Variants in ATG14 observed in about 807,000 individuals in gnomAD.
ATG14 encodes the protein autophagy related 14.
ATG14 carries 35 observed loss-of-function variants against 60.4 expected under a neutral mutation model. The ratio of observed to expected loss-of-function variants is 0.58; its 90% CI spans 0.44 to 0.77. The LOEUF (loss-of-function observed/expected upper bound fraction) is 0.77, where lower values mean the gene tolerates loss of function less well. Among genes scored for constraint, ATG14 ranks in the 30% least tolerant of loss-of-function variants. The pLI is 0.00. For missense variants in ATG14, 647 were observed against 626.3 expected, an observed-to-expected ratio of 1.03 and a Z score of -0.35; for synonymous variants, 234 against 228.8, an observed-to-expected ratio of 1.02 and a Z score of -0.21.
intron 1 of ATG14, among the ~76,000 whole-genome samples, chr14:55,410,516 AAG>A (rs1885554695): frequency 6.6e-6 from 1 of 152,240 alleles, no homozygotes; most frequent in Non-Finnish European, 1.5e-5. Flanking sequence ...AAAACTAAAA[AAG>A]AGTTTGTCAT....
intron 9 of ATG14, among the ~76,000 whole-genome samples, chr14:55,375,639 T>C (rs973436706): frequency 6.6e-6 from 1 of 152,080 alleles, no homozygotes; most frequent in African/African-American, 2.4e-5. Context: ...CCACCATGCC[T>C]GGTTTGAACT....
At chr14:55,404,556 A>G (rs1037837503) in intron 1 of ATG14, among the ~76,000 whole-genome samples, 2 of 152,182 alleles carry the variant, frequency 1.3e-5, no homozygotes, top group African/African-American at 4.8e-5. Flanking sequence ...TTCAAAAGAG[A>G]CGAGATTATG....
At chr14:55,378,126 T>C (rs1884956136) in intron 7 of ATG14, 52 bp from the exon 8 acceptor site, 3 of 1,502,662 alleles carry the variant, frequency 2.0e-6, no homozygotes, top group East Asian at 2.3e-5. Flanking sequence ...GGAAATTCTA[T>C]GTTAAAATTT....
intron 1 of ATG14, among the ~76,000 whole-genome samples, chr14:55,400,169 C>T (rs986554506): frequency 4.6e-5 from 7 of 152,164 alleles, no homozygotes; most frequent in African/African-American, 1.7e-4. Context: ...AGTCACTCAT[C>T]CAGGCTCTGC....
At chr14:55,410,276 T>C (rs564722058) in intron 1 of ATG14, among the ~76,000 whole-genome samples, 1 of 152,336 alleles carries the variant, frequency 6.6e-6, no homozygotes, top group East Asian at 1.9e-4. Context: ...AGGTTGGAGA[T>C]ACAAGTCTGG....
rs777461378 is a variant in ATG14 at position 55,411,794 on chromosome 14, C to G, written c.29G>C (p.Arg10Pro). 2.5e-6 allele frequency: 4 copies of G among 1,600,114 alleles called. No homozygotes were observed. The highest frequency in any genetic ancestry group is 3.4e-6 in the Non-Finnish European group (4 of 1,174,024). Residue 10 changes from arginine (R) to proline (P), a missense_variant, in exon 1 of 10, where the codon CGG (arginine) becomes CCG (proline). Coordinates refer to ENST00000247178, the MANE Select transcript of ATG14 (RefSeq NM_014924.5). The stretch of plus-strand genomic sequence containing the variant: ...CCCGCAGCCAGGAGCCTCCAGCGCC[C>G]GGGCTCCCTTCCCACTGGGAGACGC... MASPSGKGA[R>P]ALEAPGCGPR... is the part of the protein sequence containing the mutation.
At chr14:55,370,693 G>A (rs1248637318) in intron 9 of ATG14, among the ~76,000 whole-genome samples, 1 of 151,834 alleles carries the variant, frequency 6.6e-6, no homozygotes, top group Non-Finnish European at 1.5e-5. Context: ...CCAGGCTGGA[G>A]TGCAGTGGCG....
At chr14:55,395,652 G>A (rs571930299) in intron 3 of ATG14, among the ~76,000 whole-genome samples, 1 of 152,152 alleles carries the variant, frequency 6.6e-6, no homozygotes, top group Non-Finnish European at 1.5e-5. Context: ...CATTTGGAGT[G>A]TGTATGATAA....
At chr14:55,400,132 G>A (rs985488236) in intron 1 of ATG14, among the ~76,000 whole-genome samples, 3 of 152,146 alleles carry the variant, frequency 2.0e-5, no homozygotes, top group Non-Finnish European at 2.9e-5. Context: ...AACCACATGC[G>A]TGGGTCAGGG....
At position 55,381,903 on chromosome 14, in the gene ATG14, G is replaced by C; in HGVS notation, c.877+59C>G. 2.7e-6 allele frequency: 4 copies of C among 1,458,034 alleles called. No individual in the cohort carries two copies. In the Admixed American group the frequency reaches 7.0e-5, roughly 26 times the overall value. 90.3% of individuals were successfully genotyped at this position (1,458,034 alleles called of 1,614,324 possible). A position where few individuals can be genotyped will look rare whatever the true frequency, so the allele number is the denominator to read the frequency against. Reference sequence around the variant, plus strand: ...ACTTGAAAGCTCTTCATTTTGTTATGTCAATTTTACCTATAACTCTCTCTA... The same window carrying C: ...ACTTGAAAGCTCTTCATTTTGTTATCTCAATTTTACCTATAACTCTCTCTA... On this transcript the variant is annotated intron_variant, in intron 6 of 9. Transcript: ENST00000247178.
chr14:55,376,240 T>C (rs1388922395), intron 9 of ATG14, among the ~76,000 whole-genome samples: 2 of 152,138 alleles, frequency 1.3e-5, no homozygotes, highest in Non-Finnish European at 2.9e-5. Flanking sequence ...CCAAGGCAAG[T>C]AAAGTGGTTG....
intron 4 of ATG14, among the ~76,000 whole-genome samples, chr14:55,390,513 A>G (rs914542341): frequency 2.0e-4 from 31 of 152,082 alleles, no homozygotes; most frequent in African/African-American, 7.5e-4. Flanking sequence ...AGCTGGGACT[A>G]CAGGCACCCG....
At position 55,367,014 on chromosome 14, in the gene ATG14, C is replaced by T. The variant is rs1163145203; in HGVS notation, c.*2605G>A. The T allele has an allele frequency of 2.0e-5, 3 of 152,490 alleles. No individual in the cohort carries two copies. Among genetic ancestry groups the T allele is most frequent in the Non-Finnish European group, 4.4e-5 (3 of 68,028 alleles). 9.4% of individuals were successfully genotyped at this position (152,490 alleles called of 1,614,324 possible). ...CCACAAAAGGGTTCGATCACTTAAC[C>T]CTATGTAAAGTGCCTCTAGTTGATA... On this transcript the variant is annotated 3_prime_UTR_variant, in exon 10 of 10. Transcript: ENST00000247178.
chr14:55,399,065 T>C (rs1885359663), intron 1 of ATG14, among the ~76,000 whole-genome samples: 1 of 152,186 alleles, frequency 6.6e-6, no homozygotes, highest in African/African-American at 2.4e-5. Context: ...AAGAAGTCTT[T>C]CTAAAATACT....
rs755996908 is a variant in ATG14, at chr14:55,369,721, G to A, written c.1377C>T (p.Thr459=). 4 of 1,612,576 alleles carry A rather than the reference G, an allele frequency of 2.5e-6. No homozygotes were observed. The South Asian group carries it at 3.3e-5, about 13-fold the overall frequency. Residue 459 remains threonine, a synonymous_variant, in exon 10 of 10, where the codon ACC becomes ACT. Coordinates refer to ENST00000247178, the MANE Select transcript of ATG14 (RefSeq NM_014924.5). ...QSVEVSQSQS[T]QASPPIASSS... ...TGCTCGCGATGGGTGGGGACGCCTG[G>A]GTGCTCTGACTCTGGGAGACTTCCA...
chr14:55,373,935 G>GAA (rs1386001583), intron 9 of ATG14, among the ~76,000 whole-genome samples: 1 of 152,168 alleles, frequency 6.6e-6, no homozygotes, highest in Non-Finnish European at 1.5e-5. Flanking sequence ...AAGCAGGTGT[G>GAA]AAAAGGGGAC....
intron 4 of ATG14, 94 bp downstream of exon 4, chr14:55,390,817 T>TCC: frequency 2.4e-6 from 2 of 835,638 alleles, no homozygotes; most frequent in Non-Finnish European, 3.8e-6. Flanking sequence ...TGCCCCACCA[T>TCC]CCCCTTCCTT....
In ATG14 at chr14:55,395,952, T is replaced by C; in HGVS notation, c.315A>G (p.Ile105Met). 6.3e-7 allele frequency: 1 copy of C among 1,595,636 alleles called. No individual in the cohort carries two copies. The highest frequency in any genetic ancestry group is 2.3e-5 in the East Asian group (1 of 44,182). Residue 105 changes from isoleucine (I) to methionine (M), a missense_variant, in exon 3 of 10, where the codon ATA (isoleucine) becomes ATG (methionine). By Grantham distance (10) the Ile-to-Met change is conservative. Coordinates refer to ENST00000247178, the MANE Select transcript of ATG14 (RefSeq NM_014924.5). ...TATTACAACTTACCAACTGATCTGT[T>C]ATCCATTTTCCTTCCATAGCTTTTA... ...EVLKAMEGKW[I>M]TDQLRWKIMS...
At chr14:55,403,687 A>T (rs1885446883) in intron 1 of ATG14, among the ~76,000 whole-genome samples, 1 of 152,062 alleles carries the variant, frequency 6.6e-6, no homozygotes. Flanking sequence ...AACAACATCA[A>T]CAACAACAAC....
Sources: gnomAD v4.1 joint callset for allele counts (sites outside exome capture counted in the v4.1 genomes callset) on GRCh38, gnomAD v4.1.1 for gene constraint, MANE v1.5 for transcripts, NCBI Gene and HGNC (gene_info 2026-07-23, HGNC 2026-07-21) for gene names.